The following FBN2 variants were observed in gnomAD, a reference collection of about 807,000 sequenced individuals.
FBN2 encodes fibrillin-2.
Under a neutral mutation model 355.6 loss-of-function variants are expected in FBN2, and 105 were observed. The observed-to-expected ratio is 0.30, with a 90% confidence interval of 0.25 to 0.35. The LOEUF is 0.35. FBN2 is among the 10% of genes least tolerant of loss of function. The probability of loss-of-function intolerance (pLI) is 1.00; values close to 1 mark genes in which losing one functional copy is unlikely to be tolerated. For missense variants in FBN2, 3,280 were observed against 3,758.7 expected (o/e 0.87, Z 3.33); for synonymous variants, 1,350 against 1,301.2 (o/e 1.04, Z -0.81).
chr5:128,357,481 G>T, intron 19 of FBN2, 86 bp from the exon 20 acceptor site: 1 of 1,539,874 alleles, frequency 6.5e-7, no homozygotes, highest in Non-Finnish European at 9.0e-7. Context: ...ATGCCAGAAT[G>T]TCTGGTAAAC....
At chr5:128,370,177 T>C (rs951287072) in intron 15 of FBN2, among the ~76,000 whole-genome samples, 1 of 152,102 alleles carries the variant, frequency 6.6e-6, no homozygotes, top group Admixed American at 6.6e-5. Context: ...TCTCATAAAA[T>C]ACCCTACAAC....
chr5:128,319,070 C>T (rs1316612588), intron 34 of FBN2, 69 bp from the exon 35 acceptor site: 7 of 1,274,882 alleles, frequency 5.5e-6, no homozygotes, highest in African/African-American at 4.4e-5. Context: ...TAATGTCTAA[C>T]ATTAGCGCAT....
At position 128,376,802 on chromosome 5, in the gene FBN2, T is replaced by C. The variant is rs748715881; in HGVS notation, c.1901A>G (p.Asn634Ser). The change falls in exon 14 of 65, where the codon AAT becomes AGT. Residue 634 changes from asparagine to serine, a missense_variant. Physicochemically the swap from Asn to Ser is conservative, Grantham distance 46. This residue lies in a region of FBN2 where 2,284 missense variants were observed against 2,749.5 expected (regional missense o/e 0.83). Transcript: ENST00000262464. ...TNMCLNGMCI[N>S]EDGSFKCICK... ...GATGCACTTGAAGCTGCCATCTTCATTGATGCACATTCCATTCAAACACAT... is the reference window on the plus strand; with the variant it reads ...GATGCACTTGAAGCTGCCATCTTCACTGATGCACATTCCATTCAAACACAT... The C allele has an allele frequency of 3.7e-6, 6 of 1,613,494 alleles. No individual in the cohort carries two copies. Among genetic ancestry groups the C allele is most frequent in the South Asian group, 1.1e-5 (1 of 91,078 alleles).
intron 48 of FBN2, among the ~76,000 whole-genome samples, chr5:128,298,456 C>A (rs530883487): frequency 2.6e-5 from 4 of 152,146 alleles, no homozygotes; most frequent in Admixed American, 6.5e-5. Context: ...CCATTCTCCC[C>A]GTCACTTTCA....
chr5:128,496,772 T>A (rs936467756), intron 5 of FBN2, among the ~76,000 whole-genome samples: 1 of 151,662 alleles, frequency 6.6e-6, no homozygotes, highest in Non-Finnish European at 1.5e-5. Context: ...ATATACATTA[T>A]GAAAAAATAT....
chr5:128,378,008 G>GCT, intron 12 of FBN2, 131 bp from the exon 13 acceptor site: 1 of 509,524 alleles, frequency 2.0e-6, no homozygotes, highest in Non-Finnish European at 3.3e-6. Flanking sequence ...TCTCTCAGCA[G>GCT]TTTTTTTTTT....
In FBN2 at chr5:128,416,305, G is replaced by A. The variant is rs1027478292; in HGVS notation, c.953-7506C>T. On this transcript the variant is annotated intron_variant, in intron 7 of 64. Transcript: ENST00000262464. ...CTCCCAAAGTGTTGGGATTACAGGC[G>A]TGAGCCACTGAGCCCGAACCCATAG... Among the ~76,000 whole-genome samples the A allele has an allele frequency of 1.3e-4, 20 of 152,288 alleles. No homozygotes were observed. The South Asian group carries it at 2.5e-3, about 19-fold the overall frequency.
At chr5:128,342,295 C>A (rs1227507544) in intron 25 of FBN2, among the ~76,000 whole-genome samples, 2 of 151,872 alleles carry the variant, frequency 1.3e-5, no homozygotes, top group South Asian at 4.2e-4. Flanking sequence ...CGGAAAATAC[C>A]ACAGAAACTA....
intron 32 of FBN2, among the ~76,000 whole-genome samples, chr5:128,331,871 G>C (rs1362072128): frequency 1.6e-4 from 25 of 152,118 alleles, no homozygotes; most frequent in Non-Finnish European, 2.9e-5. Context: ...TGGACAAGAA[G>C]CATAAAAATG....
intron 5 of FBN2, among the ~76,000 whole-genome samples, chr5:128,482,787 T>C (rs1755229833): frequency 6.6e-6 from 1 of 152,158 alleles, no homozygotes; most frequent in Admixed American, 6.5e-5. Context: ...AACTACTTAT[T>C]CTAGTAAAGA....
intron 5 of FBN2, among the ~76,000 whole-genome samples, chr5:128,467,304 A>AT (rs1195077425): frequency 6.6e-6 from 1 of 152,050 alleles, no homozygotes; most frequent in Non-Finnish European, 1.5e-5. Context: ...ACCATTTCTT[A>AT]TTTGTTTTGC....
intron 6 of FBN2, among the ~76,000 whole-genome samples, chr5:128,457,025 A>C (rs1359118618): frequency 6.6e-6 from 1 of 152,208 alleles, no homozygotes; most frequent in African/African-American, 2.4e-5. Flanking sequence ...AGCATGTTCT[A>C]AGCCAATGCA....
In FBN2 at chr5:128,302,445, G is replaced by A. The variant is rs534651088; in HGVS notation, c.5917+528C>T. Reference sequence around the variant, plus strand: ...GGGCCAAAGACTAAAGTCCTGTATGGCGCATAGGAGATATTTCTGAGGGCT... The same window carrying A: ...GGGCCAAAGACTAAAGTCCTGTATGACGCATAGGAGATATTTCTGAGGGCT... On this transcript the variant is annotated intron_variant, in intron 46 of 64. Coordinates refer to ENST00000262464, the MANE Select transcript of FBN2 (RefSeq NM_001999.4). 5.9e-5 allele frequency among the ~76,000 whole-genome samples: 9 copies of A among 152,238 alleles called. No homozygotes were observed. The South Asian group carries it at 1.9e-3, about 32-fold the overall frequency.
chr5:128,429,137 G>C (rs919335576), intron 7 of FBN2, among the ~76,000 whole-genome samples: 1 of 152,160 alleles, frequency 6.6e-6, no homozygotes, highest in African/African-American at 2.4e-5. Context: ...TTCCAGGTGT[G>C]AGTCAGGCTG....
chr5:128,474,708 CA>C (rs1460703105), intron 5 of FBN2, among the ~76,000 whole-genome samples: 3 of 152,140 alleles, frequency 2.0e-5, no homozygotes, highest in African/African-American at 7.2e-5. Context: ...CTGAGTCAAT[CA>C]AACTTAGTAA....
chr5:128,308,331 T>C (rs1364806950), intron 41 of FBN2, among the ~76,000 whole-genome samples: 1 of 152,160 alleles, frequency 6.6e-6, no homozygotes, highest in Non-Finnish European at 1.5e-5. Flanking sequence ...TTCTATTTAA[T>C]TTTATGGAAC....
rs1168426536 is a variant in FBN2, at chr5:128,434,424, A to ATATATATATATATATG, written c.952+12056_952+12057insCATATATATATATATA. On this transcript the variant is annotated intron_variant, in intron 7 of 64. Coordinates refer to ENST00000262464, the MANE Select transcript of FBN2 (RefSeq NM_001999.4). ...TATATATATATATATATATATATAT[A>ATATATATATATATATG]TGGGCAGTAAGTGACAGCACTGGCG... is the stretch of plus-strand genomic sequence containing the variant. Among the ~76,000 whole-genome samples the ATATATATATATATATG allele has an allele frequency of 2.3e-3, 300 of 130,422 alleles. 14 individuals carry two copies. Among genetic ancestry groups the ATATATATATATATATG allele is most frequent in the Middle Eastern group, 3.8e-3 (1 of 266 alleles). 85.6% of individuals were successfully genotyped at this position (130,422 alleles called of 152,430 possible).
At chr5:128,446,931 A>C (rs2127057510) in intron 6 of FBN2, among the ~76,000 whole-genome samples, 1 of 152,316 alleles carries the variant, frequency 6.6e-6, no homozygotes, top group South Asian at 2.1e-4. Context: ...GATTTCATGG[A>C]CATTTATTAA....
Position 128,383,582 on chromosome 5 carries a change from A to G in FBN2, c.1604-4692T>C, listed in dbSNP as rs532722606. Among the ~76,000 whole-genome samples, 3 of 152,282 alleles carry G rather than the reference A, an allele frequency of 2.0e-5. No individual in the cohort carries two copies. The East Asian group carries it at 5.8e-4, about 29-fold the overall frequency. On this transcript the variant is annotated intron_variant, in intron 11 of 64. Coordinates refer to ENST00000262464, the MANE Select transcript of FBN2 (RefSeq NM_001999.4). ...TAAATCATATATTTGATAAGGACTT[A>G]TATCCAGAGTAAACAAAGAACCCTC...
Sources: allele counts gnomAD v4.1 joint callset (sites outside exome capture counted in the v4.1 genomes callset), GRCh38; gene constraint gnomAD v4.1.1; regional missense constraint gnomAD v4.1.1; transcripts MANE v1.5; gene names NCBI Gene and HGNC (gene_info 2026-07-23, HGNC 2026-07-21).